Variants in KCNA1 observed in about 807,000 individuals in gnomAD.
KCNA1 encodes the protein potassium voltage-gated channel subfamily A member 1, also known as potassium channel, voltage gated shaker related subfamily A, member 1.
Under a neutral mutation model 28.8 loss-of-function variants are expected in KCNA1, and 19 were observed. That is an observed-to-expected ratio of 0.66 (90% CI 0.46 to 0.97). The LOEUF (loss-of-function observed/expected upper bound fraction) is 0.97, where lower values mean the gene tolerates loss of function less well. KCNA1 is among the 50% of genes least tolerant of loss of function. KCNA1 has a pLI of 0.00. For synonymous variants in KCNA1, 311 were observed against 268.8 expected (o/e 1.16, Z -1.53); for missense variants, 419 against 659.7 (o/e 0.64, Z 4.00).
At position 4,912,428 on chromosome 12, in the gene KCNA1, A is replaced by G; in HGVS notation, c.1050A>G (p.Glu350=). The G allele has an allele frequency of 6.2e-7, 1 of 1,613,920 alleles. No homozygotes were observed. The highest frequency in any genetic ancestry group is 1.1e-5 in the South Asian group (1 of 91,038). The stretch of plus-strand genomic sequence containing the variant: ...GTGCAGTGTACTTTGCCGAGGCGGA[A>G]GAAGCTGAGTCGCACTTCTCCAGTA... ...FSSAVYFAEA[E]EAESHFSSIP... is the part of the protein sequence containing the mutation. Residue 350 remains glutamate, a synonymous_variant, in exon 2 of 2, where the codon GAA becomes GAG. Transcript: ENST00000382545.
At position 4,914,174 on chromosome 12, in the gene KCNA1, C is replaced by T. The variant is rs575443810; in HGVS notation, c.*1308C>T. On this transcript the variant is annotated 3_prime_UTR_variant, in exon 2 of 2. Transcript: ENST00000382545. The stretch of plus-strand genomic sequence containing the variant: ...TACCAGGTTTTTGTGCAGGTATAGG[C>T]GGAGAGAGGACCAATATGCCCATCC... 1.8e-4 allele frequency: 30 copies of T among 167,026 alleles called. No individual in the cohort carries two copies. Among genetic ancestry groups the T allele is most frequent in the African/African-American group, 4.3e-4 (18 of 41,498 alleles). The allele number at this position is 167,026 out of a possible 1,614,324, so 10.3% of individuals were successfully genotyped here.
At position 4,911,649 on chromosome 12, in the gene KCNA1, G is replaced by A; in HGVS notation, c.271G>A (p.Ala91Thr). Residue 91 changes from alanine to threonine, a missense_variant, in exon 2 of 2, where the codon GCC becomes ACC. This residue lies in a region of KCNA1 where 217 missense variants were observed against 329.6 expected (regional missense o/e 0.66). Transcript: ENST00000382545. The surrounding 1 kb of genome is among the most constrained non-coding windows in gnomAD (Gnocchi z 6.6). ...CGACCGCAACCGGCCCAGCTTCGAC[G>A]CCATCCTCTACTACTACCAGTCCGG... ...FFDRNRPSFD[A>T]ILYYYQSGGR... 6.2e-7 allele frequency: 1 copy of A among 1,614,182 alleles called. No homozygotes were observed. Among genetic ancestry groups the A allele is most frequent in the South Asian group, 1.1e-5 (1 of 91,070 alleles).
rs1007499992 is a variant in KCNA1 at position 4,911,267 on chromosome 12, G to C, written c.-112G>C. 2.6e-6 allele frequency: 2 copies of C among 768,028 alleles called. No homozygotes were observed. Among genetic ancestry groups the C allele is most frequent in the East Asian group, 5.3e-5 (2 of 37,636 alleles). 47.6% of individuals were successfully genotyped at this position (768,028 alleles called of 1,614,324 possible). On this transcript the variant is annotated 5_prime_UTR_variant, in exon 2 of 2. Transcript: ENST00000382545. The surrounding 1 kb of genome is among the most constrained non-coding windows in gnomAD (Gnocchi z 6.6). ...GAAGCACCTCCCCCTGGGCGTGAGG[G>C]AGACGCGCGCTCCGGTGGGGGGGCC...
Position 4,911,421 on chromosome 12 carries a change from GC to G in KCNA1, c.47del (p.Pro16ArgfsTer25), listed in dbSNP as rs1565432905. On this transcript the variant is annotated frameshift_variant, in exon 2 of 2. Transcript: ENST00000382545. LOFTEE classifies it high-confidence loss of function. The surrounding 1 kb of genome is among the most constrained non-coding windows in gnomAD (Gnocchi z 6.6). ...GGAGAACGTGGACGAGGCTTCGGCC[GC>G]CCCGGGCCACCCCCAGGATGGCAGC... Reference protein sequence around the residue: ...SGENVDEASAAPGHPQDGSYP... With the variant: ...SGENVDEASAXPGHPQDGSYP... The G allele has an allele frequency of 6.2e-7, 1 of 1,613,136 alleles. No homozygotes were observed. The highest frequency in any genetic ancestry group is 2.2e-5 in the East Asian group (1 of 44,852).
In KCNA1 at chr12:4,917,003, T is replaced by G. The variant is rs1399021130; in HGVS notation, c.*4137T>G. ...TAATTCTTAGTTTGGTAGATTGGATTGAAAGAAAGGAGAAAGAACATTAGC... is the reference window on the plus strand; with the variant it reads ...TAATTCTTAGTTTGGTAGATTGGATGGAAAGAAAGGAGAAAGAACATTAGC... On this transcript the variant is annotated 3_prime_UTR_variant, in exon 2 of 2. Coordinates refer to ENST00000382545, the MANE Select transcript of KCNA1 (RefSeq NM_000217.3). 2 of 167,086 alleles carry G rather than the reference T, an allele frequency of 1.2e-5. No individual in the cohort carries two copies. Among genetic ancestry groups the G allele is most frequent in the African/African-American group, 4.8e-5 (2 of 41,456 alleles). The allele number at this position is 167,086 out of a possible 1,614,324, so 10.4% of individuals were successfully genotyped here.
rs754549386 is a variant in KCNA1 at position 4,911,394 on chromosome 12, G to A, written c.16G>A (p.Gly6Arg). MTVMS[G>R]ENVDEASAAP... is the part of the protein sequence containing the mutation. ...GGCTTCCACCATGACGGTGATGTCT[G>A]GGGAGAACGTGGACGAGGCTTCGGC... Residue 6 changes from glycine to arginine, a missense_variant, in exon 2 of 2, where the codon GGG becomes AGG. Physicochemically the swap from Gly to Arg is moderately radical, Grantham distance 125. Around this residue, in one of 4 missense-constraint regions of KCNA1, gnomAD observed 67 missense variants for 57.2 expected, o/e 1.17. Coordinates refer to ENST00000382545, the MANE Select transcript of KCNA1 (RefSeq NM_000217.3). This position sits in a 1 kb window ranked among gnomAD's most constrained non-coding sequence, Gnocchi z 6.6. 3 of 1,612,636 alleles carry A rather than the reference G, an allele frequency of 1.9e-6. No individual in the cohort carries two copies. Among genetic ancestry groups the A allele is most frequent in the Non-Finnish European group, 2.5e-6 (3 of 1,179,770 alleles).
rs375361885 is a variant in KCNA1 at position 4,911,420 on chromosome 12, C to T, written c.42C>T (p.Ala14=). The T allele has an allele frequency of 4.9e-5, 79 of 1,613,162 alleles. No homozygotes were observed. Among genetic ancestry groups the T allele is most frequent in the Non-Finnish European group, 6.4e-5 (76 of 1,179,824 alleles). The change falls in exon 2 of 2, where the codon GCC becomes GCT. Residue 14 remains alanine (A), a synonymous_variant. Transcript: ENST00000382545. The surrounding 1 kb of genome is among the most constrained non-coding windows in gnomAD (Gnocchi z 6.6). ...MSGENVDEAS[A]APGHPQDGSY... ...GGGAGAACGTGGACGAGGCTTCGGC[C>T]GCCCCGGGCCACCCCCAGGATGGCA...
In KCNA1 at chr12:4,913,965, C is replaced by CTCT. The variant is rs2137675288; in HGVS notation, c.*1101_*1103dup. On this transcript the variant is annotated 3_prime_UTR_variant, in exon 2 of 2. Coordinates refer to ENST00000382545, the MANE Select transcript of KCNA1 (RefSeq NM_000217.3). ...AACTTTTTGGAGCTCAAAGCATGTT[C>CTCT]TCTTATTCAGCATTATGGCCTATTT... 1 of 166,954 alleles carries CTCT rather than the reference C, an allele frequency of 6.0e-6. No homozygotes were observed. The highest frequency in any genetic ancestry group is 1.9e-4 in the East Asian group (1 of 5,202). 10.3% of individuals were successfully genotyped at this position (166,954 alleles called of 1,614,324 possible). A position where few individuals can be genotyped will look rare whatever the true frequency, so the allele number is the denominator to read the frequency against.
chr12:4,912,820 C>T lies in KCNA1; in HGVS notation c.1442C>T (p.Ala481Val), dbSNP rs1430294104. Residue 481 changes from alanine (A) to valine (V), a missense_variant, in exon 2 of 2, where the codon GCT becomes GTT. Coordinates refer to ENST00000382545, the MANE Select transcript of KCNA1 (RefSeq NM_000217.3). ...ATCAGAACTGCCAATTGCACCACTG[C>T]TAACCAAAACTGCGTTAATAAGAGC... ...VNIRTANCTT[A>V]NQNCVNKSKL... is the part of the protein sequence containing the mutation. 1.2e-6 allele frequency: 2 copies of T among 1,613,970 alleles called. No homozygotes were observed. The highest frequency in any genetic ancestry group is 1.7e-5 in the Admixed American group (1 of 60,014).
rs1306371277 is a variant in KCNA1 at position 4,911,002 on chromosome 12, G to T, written c.-377G>T. ...CTCTCGGAGGGGAGGGGAGGCCAGG[G>T]CGACCCCCGAAGCAATGGCCCAGTC... is the stretch of plus-strand genomic sequence containing the variant. On this transcript the variant is annotated 5_prime_UTR_variant, in exon 2 of 2. Coordinates refer to ENST00000382545, the MANE Select transcript of KCNA1 (RefSeq NM_000217.3). This position sits in a 1 kb window ranked among gnomAD's most constrained non-coding sequence, Gnocchi z 6.6. The T allele has an allele frequency of 3.7e-6, 1 of 268,574 alleles. No individual in the cohort carries two copies. The highest frequency in any genetic ancestry group is 2.3e-5 in the African/African-American group (1 of 44,166). The allele number at this position is 268,574 out of a possible 1,614,324, so 16.6% of individuals were successfully genotyped here.
chr12:4,913,089 A>T lies in KCNA1; in HGVS notation c.*223A>T, dbSNP rs1565433747. 1.8e-6 allele frequency: 1 copy of T among 563,492 alleles called. No individual in the cohort carries two copies. The highest frequency in any genetic ancestry group is 3.2e-5 in the East Asian group (1 of 31,632). The allele number at this position is 563,492 out of a possible 1,614,324, so 34.9% of individuals were successfully genotyped here. A position where few individuals can be genotyped will look rare whatever the true frequency, so the allele number is the denominator to read the frequency against. On this transcript the variant is annotated 3_prime_UTR_variant, in exon 2 of 2. Transcript: ENST00000382545. ...CAAAATAAACTATTTTCCTTTTATT[A>T]AAAAATGGGAAAAGAGAGAGTATTT... is the stretch of plus-strand genomic sequence containing the variant.
chr12:4,916,004 G>C lies in KCNA1; in HGVS notation c.*3138G>C, dbSNP rs1213072429. 1 of 167,094 alleles carries C rather than the reference G, an allele frequency of 6.0e-6. No individual in the cohort carries two copies. Among genetic ancestry groups the C allele is most frequent in the East Asian group, 1.9e-4 (1 of 5,200 alleles). The allele number at this position is 167,094 out of a possible 1,614,324, so 10.4% of individuals were successfully genotyped here. ...GTGAATGCTGCTTAGCTCATCTGTA[G>C]CTCATTGCAATGAATTCAGTAAGAA... On this transcript the variant is annotated 3_prime_UTR_variant, in exon 2 of 2. Coordinates refer to ENST00000382545, the MANE Select transcript of KCNA1 (RefSeq NM_000217.3).
At position 4,914,175 on chromosome 12, in the gene KCNA1, G is replaced by A. The variant is rs921570884; in HGVS notation, c.*1309G>A. 1.8e-5 allele frequency: 3 copies of A among 166,938 alleles called. No individual in the cohort carries two copies. Among genetic ancestry groups the A allele is most frequent in the African/African-American group, 4.8e-5 (2 of 41,380 alleles). 10.3% of individuals were successfully genotyped at this position (166,938 alleles called of 1,614,324 possible). A position where few individuals can be genotyped will look rare whatever the true frequency, so the allele number is the denominator to read the frequency against. Reference sequence around the variant, plus strand: ...ACCAGGTTTTTGTGCAGGTATAGGCGGAGAGAGGACCAATATGCCCATCCC... The same window carrying A: ...ACCAGGTTTTTGTGCAGGTATAGGCAGAGAGAGGACCAATATGCCCATCCC... On this transcript the variant is annotated 3_prime_UTR_variant, in exon 2 of 2. Coordinates refer to ENST00000382545, the MANE Select transcript of KCNA1 (RefSeq NM_000217.3).
chr12:4,917,693 T>C lies in KCNA1; in HGVS notation c.*4827T>C, dbSNP rs139487158. 37 of 167,014 alleles carry C rather than the reference T, an allele frequency of 2.2e-4. No individual in the cohort carries two copies. The highest frequency in any genetic ancestry group is 8.9e-4 in the African/African-American group (37 of 41,556). 10.3% of individuals were successfully genotyped at this position (167,014 alleles called of 1,614,324 possible). A position where few individuals can be genotyped will look rare whatever the true frequency, so the allele number is the denominator to read the frequency against. ...CTTTATGACGTGAAACTTCAAAGAG[T>C]ATAGAAAACTTTTGTACCACAATCA... On this transcript the variant is annotated 3_prime_UTR_variant, in exon 2 of 2. Coordinates refer to ENST00000382545, the MANE Select transcript of KCNA1 (RefSeq NM_000217.3).
Position 4,917,045 on chromosome 12 carries a change from T to G in KCNA1, c.*4179T>G, listed in dbSNP as rs1947390348. Reference sequence around the variant, plus strand: ...AACATTAGCAGAAGGCACTTTCCCATTTTCTTCCAGGAATGACTTATTCCT... The same window carrying G: ...AACATTAGCAGAAGGCACTTTCCCAGTTTCTTCCAGGAATGACTTATTCCT... On this transcript the variant is annotated 3_prime_UTR_variant, in exon 2 of 2. Coordinates refer to ENST00000382545, the MANE Select transcript of KCNA1 (RefSeq NM_000217.3). 6.0e-6 allele frequency: 1 copy of G among 167,050 alleles called. No individual in the cohort carries two copies. The highest frequency in any genetic ancestry group is 2.4e-5 in the African/African-American group (1 of 41,424). The allele number at this position is 167,050 out of a possible 1,614,324, so 10.3% of individuals were successfully genotyped here.
At position 4,914,529 on chromosome 12, in the gene KCNA1, T is replaced by G. The variant is rs1947372771; in HGVS notation, c.*1663T>G. ...TAATAGTTGCTTAGTGCCTTTATCC[T>G]GTACCCACAGTGAACTGTAGAAAGT... On this transcript the variant is annotated 3_prime_UTR_variant, in exon 2 of 2. Coordinates refer to ENST00000382545, the MANE Select transcript of KCNA1 (RefSeq NM_000217.3). 6.0e-6 allele frequency: 1 copy of G among 167,136 alleles called. No homozygotes were observed. Among genetic ancestry groups the G allele is most frequent in the Non-Finnish European group, 1.5e-5 (1 of 68,144 alleles). The allele number at this position is 167,136 out of a possible 1,614,324, so 10.4% of individuals were successfully genotyped here. A position where few individuals can be genotyped will look rare whatever the true frequency, so the allele number is the denominator to read the frequency against.
Position 4,914,242 on chromosome 12 carries a change from T to C in KCNA1, c.*1376T>C, listed in dbSNP as rs1303795570. On this transcript the variant is annotated 3_prime_UTR_variant, in exon 2 of 2. Coordinates refer to ENST00000382545, the MANE Select transcript of KCNA1 (RefSeq NM_000217.3). ...TGAAAAACTCAATAAGTCATCAAAG[T>C]ACATATAGCAACACCTAAGAACAAG... 1.2e-5 allele frequency: 2 copies of C among 167,014 alleles called. No individual in the cohort carries two copies. The highest frequency in any genetic ancestry group is 1.5e-5 in the Non-Finnish European group (1 of 68,122). The allele number at this position is 167,014 out of a possible 1,614,324, so 10.3% of individuals were successfully genotyped here.
At position 4,911,590 on chromosome 12, in the gene KCNA1, G is replaced by T. The variant is rs1947351910; in HGVS notation, c.212G>T (p.Arg71Leu). The T allele has an allele frequency of 6.2e-7, 1 of 1,614,160 alleles. No homozygotes were observed. The highest frequency in any genetic ancestry group is 8.5e-7 in the Non-Finnish European group (1 of 1,180,044). The part of the protein sequence containing the change: ...TLLGNPKKRM[R>L]YFDPLRNEYF... ...CTGGGCAACCCTAAGAAACGCATGC[G>T]CTACTTCGACCCCCTGAGGAACGAG... The change falls in exon 2 of 2, where the codon CGC (arginine) becomes CTC (leucine). Residue 71 changes from arginine to leucine, a missense_variant. Physicochemically the swap from Arg to Leu is moderately radical, Grantham distance 102 (BLOSUM62 -2). Around this residue, in one of 4 missense-constraint regions of KCNA1, gnomAD observed 217 missense variants for 329.6 expected, o/e 0.66. Coordinates refer to ENST00000382545, the MANE Select transcript of KCNA1 (RefSeq NM_000217.3). The surrounding 1 kb of genome is among the most constrained non-coding windows in gnomAD (Gnocchi z 6.6).
Position 4,911,447 on chromosome 12 carries a change from C to T in KCNA1, c.69C>T (p.Ser23=). Residue 23 remains serine, a synonymous_variant, in exon 2 of 2, where the codon AGC becomes AGT. Transcript: ENST00000382545. The surrounding 1 kb of genome is among the most constrained non-coding windows in gnomAD (Gnocchi z 6.6). The part of the protein sequence containing the change: ...SAAPGHPQDG[S]YPRQADHDDH... The stretch of plus-strand genomic sequence containing the variant: ...CCCCGGGCCACCCCCAGGATGGCAG[C>T]TACCCCCGGCAGGCCGACCACGACG... 1 of 1,613,804 alleles carries T rather than the reference C, an allele frequency of 6.2e-7. No homozygotes were observed. The highest frequency in any genetic ancestry group is 1.7e-5 in the Admixed American group (1 of 60,002).
Sources: allele counts gnomAD v4.1 joint callset, GRCh38; gene constraint gnomAD v4.1.1; regional missense constraint gnomAD v4.1.1; non-coding constraint Gnocchi (gnomAD v3.1); transcripts MANE v1.5; gene names NCBI Gene and HGNC (gene_info 2026-07-23, HGNC 2026-07-21).